Variants in SCN11A observed in about 807,000 individuals in gnomAD.
SCN11A encodes sodium voltage-gated channel alpha subunit 11, also known as sodium channel protein type 11 subunit alpha.
A neutral mutation model predicts 162.2 loss-of-function variants in SCN11A; 122 were observed. The observed-to-expected ratio is 0.75, with a 90% CI of 0.65 to 0.87. SCN11A has a LOEUF of 0.87. Ranked by LOEUF, SCN11A falls within the 40% of genes least tolerant of loss-of-function variation. SCN11A has a pLI of 0.00. For missense variants in SCN11A, 2,015 were observed against 2,181.6 expected, an observed-to-expected ratio of 0.92 and a Z score of 1.52; for synonymous variants, 758 against 751.5, an observed-to-expected ratio of 1.01 and a Z score of -0.14.
chr3:38,997,052 C>T (rs1360665745), intron 2 of SCN11A, among the ~76,000 whole-genome samples: 2 of 152,080 alleles, frequency 1.3e-5, no homozygotes, highest in African/African-American at 4.8e-5. Context: ...CACCCTTGCC[C>T]CCTCTAATCT....
chr3:38,895,102 C>T, intron 18 of SCN11A, 138 bp from the exon 19 acceptor site: 1 of 687,140 alleles, frequency 1.5e-6, no homozygotes, highest in South Asian at 2.1e-5. Flanking sequence ...CCTAAGAAAG[C>T]TCATCTATCC....
At chr3:38,982,981 T>C (rs923356662) in intron 2 of SCN11A, among the ~76,000 whole-genome samples, 5 of 152,166 alleles carry the variant, frequency 3.3e-5, no homozygotes, top group African/African-American at 9.7e-5. Flanking sequence ...TTCACAACAA[T>C]ACAAAGTAGC....
At chr3:38,899,397 C>A (rs984251834) in intron 17 of SCN11A, among the ~76,000 whole-genome samples, 1 of 152,162 alleles carries the variant, frequency 6.6e-6, no homozygotes, top group Non-Finnish European at 1.5e-5. Context: ...GACTACAGAA[C>A]AGAAATGTAG....
chr3:38,916,704 C>A (rs965285624), intron 11 of SCN11A, among the ~76,000 whole-genome samples: 2 of 152,034 alleles, frequency 1.3e-5, no homozygotes, highest in South Asian at 4.1e-4. Context: ...TGCTCCAAGG[C>A]CTTATGCTCA....
rs187642371 is a variant in SCN11A, at chr3:38,913,029, T to C, written c.960-2822A>G. Among the ~76,000 whole-genome samples, 325 of 152,190 alleles carry C rather than the reference T, an allele frequency of 2.1e-3. 2 individuals carry two copies. The highest frequency in any genetic ancestry group is 3.5e-3 in the Non-Finnish European group (238 of 67,980). On this transcript the variant is annotated intron_variant, in intron 11 of 29. Coordinates refer to ENST00000302328, the MANE Select transcript of SCN11A (RefSeq NM_001349253.2). ...ATTGCTGGGATGAATCCAGCAACAGTAGTTCTGTTTTAGGTCTTTGAGGAA... is the reference window on the plus strand; with the variant it reads ...ATTGCTGGGATGAATCCAGCAACAGCAGTTCTGTTTTAGGTCTTTGAGGAA...
chr3:38,975,157 A>T (rs931858092), intron 2 of SCN11A, among the ~76,000 whole-genome samples: 2 of 152,086 alleles, frequency 1.3e-5, no homozygotes, highest in Admixed American at 6.6e-5. Context: ...TAAAATACAG[A>T]CAATTTCAGA....
intron 1 of SCN11A, among the ~76,000 whole-genome samples, chr3:39,039,801 G>A (rs946605248): frequency 2.0e-5 from 3 of 152,032 alleles, no homozygotes; most frequent in African/African-American, 7.3e-5. Flanking sequence ...GTCACCACTG[G>A]AGACCCTGCC....
chr3:38,936,466 A>G (rs2066333639), intron 7 of SCN11A, among the ~76,000 whole-genome samples: 1 of 151,234 alleles, frequency 6.6e-6, no homozygotes, highest in Non-Finnish European at 1.5e-5. Flanking sequence ...TATATCTAGA[A>G]AACCCCATTG....
intron 23 of SCN11A, among the ~76,000 whole-genome samples, chr3:38,879,703 C>T (rs2065276133): frequency 6.6e-6 from 1 of 152,140 alleles, no homozygotes; most frequent in Admixed American, 6.6e-5. Flanking sequence ...GTGAATGAAT[C>T]CCATCATGGG....
chr3:39,024,135 T>A (rs1214232826), intron 2 of SCN11A, among the ~76,000 whole-genome samples: 1 of 152,230 alleles, frequency 6.6e-6, no homozygotes, highest in African/African-American at 2.4e-5. Flanking sequence ...CATAACAGAT[T>A]CATTTAGTCA....
chr3:39,011,821 G>A (rs2031146229), intron 2 of SCN11A, among the ~76,000 whole-genome samples: 1 of 152,030 alleles, frequency 6.6e-6, no homozygotes, highest in South Asian at 2.1e-4. Flanking sequence ...TCAATTTCCC[G>A]TTAAATAAGA....
chr3:38,848,954 T>A (rs7639484), intron 29 of SCN11A, among the ~76,000 whole-genome samples: 16 of 152,056 alleles, frequency 1.1e-4, no homozygotes, highest in Non-Finnish European at 1.9e-4. Context: ...CAAAGGCATA[T>A]AAAACTCTGT....
intron 1 of SCN11A, among the ~76,000 whole-genome samples, chr3:39,046,747 G>T (rs2032191282): frequency 6.6e-6 from 1 of 152,044 alleles, no homozygotes; most frequent in Non-Finnish European, 1.5e-5. Context: ...TTGAAACAGG[G>T]TCTTGCTCTG....
At chr3:39,008,565 G>A (rs906753393) in intron 2 of SCN11A, among the ~76,000 whole-genome samples, 1 of 152,170 alleles carries the variant, frequency 6.6e-6, no homozygotes, top group African/African-American at 2.4e-5. Context: ...CTTTTTAAAA[G>A]ATTAAATTAT....
Position 38,846,709 on chromosome 3 carries a change from C to T in SCN11A, c.5361G>A (p.Lys1787=), listed in dbSNP as rs1156883716. The part of the protein sequence containing the change: ...DLSSFGVAKG[K]VHCD ...AGGTGAGGGCTCAGTCACAGTGGAC[C>T]TTGCCCTTGGCCACCCCAAAGCTAG... Residue 1787 remains lysine (K), a synonymous_variant, in exon 30 of 30, where the codon AAG becomes AAA. Transcript: ENST00000302328. 6.2e-7 allele frequency: 1 copy of T among 1,613,810 alleles called. No homozygotes were observed. Among genetic ancestry groups the T allele is most frequent in the Non-Finnish European group, 8.5e-7 (1 of 1,179,916 alleles).
At chr3:39,022,776 G>A (rs2031482465) in intron 2 of SCN11A, among the ~76,000 whole-genome samples, 1 of 152,088 alleles carries the variant, frequency 6.6e-6, no homozygotes, top group South Asian at 2.1e-4. Flanking sequence ...AGCTACTTGG[G>A]AGGCTGAGGC....
At chr3:38,882,513 G>T (rs557398477) in intron 22 of SCN11A, among the ~76,000 whole-genome samples, 1 of 152,214 alleles carries the variant, frequency 6.6e-6, no homozygotes, top group South Asian at 2.1e-4. Flanking sequence ...ATGCATGATA[G>T]AAAAAAGCAG....
At position 38,926,818 on chromosome 3, in the gene SCN11A, A is replaced by C. The variant is rs574583720; in HGVS notation, c.602T>G (p.Ile201Ser). ...ATATTCTTACGCTATTCCAATGACAATGGAGTCCAGCCAGTTCCATGGATC... is the reference window on the plus strand; with the variant it reads ...ATATTCTTACGCTATTCCAATGACACTGGAGTCCAGCCAGTTCCATGGATC... ...LRDPWNWLDS[I>S]VIGIAIVSYI... Residue 201 changes from isoleucine (I) to serine (S), a missense_variant, in exon 8 of 30, where the codon ATT (isoleucine) becomes AGT (serine). By Grantham distance (142) the Ile-to-Ser change is moderately radical. Transcript: ENST00000302328. 40 of 1,613,710 alleles carry C rather than the reference A, an allele frequency of 2.5e-5. No individual in the cohort carries two copies. The East Asian group carries it at 8.7e-4, about 35-fold the overall frequency.
At chr3:38,883,726 G>A (rs1286919728) in intron 21 of SCN11A, among the ~76,000 whole-genome samples, 1 of 152,208 alleles carries the variant, frequency 6.6e-6, no homozygotes. Flanking sequence ...GACATGTGGA[G>A]TAGAGCCATG....
Sources: gnomAD v4.1 joint callset for allele counts (sites outside exome capture counted in the v4.1 genomes callset) on GRCh38, gnomAD v4.1.1 for gene constraint, MANE v1.5 for transcripts, NCBI Gene and HGNC (gene_info 2026-07-23, HGNC 2026-07-21) for gene names.